Variants in ARHGAP26 observed in about 807,000 individuals in gnomAD.
ARHGAP26 encodes rho GTPase-activating protein 26.
Under a neutral mutation model 104.8 loss-of-function variants are expected in ARHGAP26, and 38 were observed. That is an observed-to-expected ratio of 0.36 (90% CI 0.28 to 0.48). The LOEUF (loss-of-function observed/expected upper bound fraction) is 0.48, where lower values mean the gene tolerates loss of function less well. Ranked by LOEUF, ARHGAP26 falls within the 20% of genes least tolerant of loss-of-function variation. The probability of loss-of-function intolerance (pLI) is 0.99; values close to 1 mark genes in which losing one functional copy is unlikely to be tolerated. For synonymous variants in ARHGAP26, 341 were observed against 340.0 expected (o/e 1.00, Z -0.03); for missense variants, 704 against 947.9 (o/e 0.74, Z 3.38).
chr5:143,148,298 T>C (rs1346080186), intron 20 of ARHGAP26, among the ~76,000 whole-genome samples: 1 of 152,158 alleles, frequency 6.6e-6, no homozygotes, highest in Non-Finnish European at 1.5e-5. Context: ...GGTAACCTTT[T>C]CCTGCTCCTC....
chr5:142,922,792 T>A (rs1172349174), intron 10 of ARHGAP26, among the ~76,000 whole-genome samples: 1 of 152,194 alleles, frequency 6.6e-6, no homozygotes, highest in Non-Finnish European at 1.5e-5. Context: ...AACACATGAA[T>A]CCATTTTTCC....
rs1467512236 is a variant in ARHGAP26 at position 143,227,928 on chromosome 5, AGT to A, written c.*5484_*5485del. On this transcript the variant is annotated 3_prime_UTR_variant, in exon 23 of 23. Transcript: ENST00000645722. ...ACAAAAGTTGTGCCAGACATTACAG[AGT>A]GAAAACGTCTCTCAAGGTGGAATGC... The A allele has an allele frequency of 5.9e-5, 13 of 221,160 alleles. No homozygotes were observed. The highest frequency in any genetic ancestry group is 3.6e-5 in the Non-Finnish European group (4 of 110,504). The allele number at this position is 221,160 out of a possible 1,614,324, so 13.7% of individuals were successfully genotyped here. A position where few individuals can be genotyped will look rare whatever the true frequency, so the allele number is the denominator to read the frequency against.
intron 11 of ARHGAP26, among the ~76,000 whole-genome samples, chr5:142,964,735 C>T (rs37203): frequency 0.08 from 12,126 of 152,178 alleles, 745 homozygotes; most frequent in East Asian, 0.27. Flanking sequence ...ACATGCATTT[C>T]TGGATCACCT....
intron 1 of ARHGAP26, among the ~76,000 whole-genome samples, chr5:142,796,968 T>C (rs1761103538): frequency 1.3e-5 from 2 of 152,214 alleles, no homozygotes; most frequent in Non-Finnish European, 2.9e-5. Context: ...TATAGCGTGG[T>C]GTCAGAAACT....
intron 11 of ARHGAP26, among the ~76,000 whole-genome samples, chr5:142,992,678 C>T (rs1025381477): frequency 2.6e-5 from 4 of 152,004 alleles, no homozygotes; most frequent in Non-Finnish European, 4.4e-5. Context: ...CCGCCTGCCT[C>T]GCCTCCCAAA....
In ARHGAP26 at chr5:142,907,686, G is replaced by A; in HGVS notation, c.833-18G>A. The A allele has an allele frequency of 6.4e-7, 1 of 1,557,294 alleles. No homozygotes were observed. The highest frequency in any genetic ancestry group is 8.8e-7 in the Non-Finnish European group (1 of 1,135,698). The stretch of plus-strand genomic sequence containing the variant: ...CAGTGGAATGTATAGATATTTTATG[G>A]GAAATATTACCTTTCAGGTCACTTT... On this transcript the variant is annotated intron_variant, in intron 8 of 22. Coordinates refer to ENST00000645722, the MANE Select transcript of ARHGAP26 (RefSeq NM_001135608.3).
intron 1 of ARHGAP26, among the ~76,000 whole-genome samples, chr5:142,791,754 A>G (rs1759864160): frequency 6.6e-6 from 1 of 152,132 alleles, no homozygotes; most frequent in Non-Finnish European, 1.5e-5. Context: ...ACCTGAGGTC[A>G]GGAGTTTGTA....
rs562055157 is a variant in ARHGAP26 at position 143,207,377 on chromosome 5, A to G, written c.2099+69A>G. ...CTCTCATTGGCTCGGTCCTCTCTTCATGCAGTGTTCAGCCTCCTCGTCAAC... is the reference window on the plus strand; with the variant it reads ...CTCTCATTGGCTCGGTCCTCTCTTCGTGCAGTGTTCAGCCTCCTCGTCAAC... On this transcript the variant is annotated intron_variant, in intron 21 of 22. Transcript: ENST00000645722. 592 of 1,613,960 alleles carry G rather than the reference A, an allele frequency of 3.7e-4. 7 individuals carry two copies. The South Asian group carries it at 6.2e-3, about 17-fold the overall frequency.
Position 143,117,465 on chromosome 5 carries a change from A to G in ARHGAP26, c.1539-3523A>G, listed in dbSNP as rs534886385. Among the ~76,000 whole-genome samples the G allele has an allele frequency of 5.6e-4, 86 of 152,336 alleles. 1 individual carries two copies. In the South Asian group the frequency reaches 0.013, roughly 23 times the overall value. On this transcript the variant is annotated intron_variant, in intron 17 of 22. Coordinates refer to ENST00000645722, the MANE Select transcript of ARHGAP26 (RefSeq NM_001135608.3). Reference sequence around the variant, plus strand: ...CTGTACCAAGTTGTGAGCAGTAATAATCAAGTGATGGATCAATTTATTACT... The same window carrying G: ...CTGTACCAAGTTGTGAGCAGTAATAGTCAAGTGATGGATCAATTTATTACT...
intron 3 of ARHGAP26, among the ~76,000 whole-genome samples, chr5:142,876,036 C>A (rs1756038112): frequency 6.6e-6 from 1 of 152,166 alleles, no homozygotes; most frequent in Non-Finnish European, 1.5e-5. Flanking sequence ...GCAACCCTGC[C>A]TATAATTTAT....
chr5:142,919,309 A>G, intron 10 of ARHGAP26: 1 of 398,636 alleles, frequency 2.5e-6, no homozygotes. Flanking sequence ...AATGAACACC[A>G]AAGGTTGGCA....
At chr5:142,857,787 C>G (rs988105232) in intron 1 of ARHGAP26, among the ~76,000 whole-genome samples, 11 of 152,112 alleles carry the variant, frequency 7.2e-5, no homozygotes, top group African/African-American at 2.4e-4. Context: ...TCTGCTTGCT[C>G]AGGTTTAGTG....
At chr5:143,093,850 T>C (rs990326800) in intron 17 of ARHGAP26, among the ~76,000 whole-genome samples, 3 of 152,242 alleles carry the variant, frequency 2.0e-5, no homozygotes, top group African/African-American at 7.2e-5. Context: ...CAGAGATTTT[T>C]GTGAGGTTCA....
chr5:143,022,687 C>T (rs571935963), intron 12 of ARHGAP26, among the ~76,000 whole-genome samples: 12 of 152,316 alleles, frequency 7.9e-5, no homozygotes, highest in African/African-American at 1.7e-4. Context: ...AAGTGTCACA[C>T]GATGGGCTGC....
intron 6 of ARHGAP26, 65 bp downstream of exon 6, chr5:142,894,413 G>T: frequency 7.0e-7 from 1 of 1,438,816 alleles, no homozygotes; most frequent in Non-Finnish European, 9.7e-7. Flanking sequence ...ACTAGTAGTA[G>T]ATTACAAAAT....
chr5:142,844,967 C>T (rs992371511), intron 1 of ARHGAP26, among the ~76,000 whole-genome samples: 3 of 152,170 alleles, frequency 2.0e-5, no homozygotes, highest in Non-Finnish European at 2.9e-5. Flanking sequence ...GAGACCAGCA[C>T]GTGTGGAGGA....
chr5:143,076,946 C>T (rs1789125115), intron 17 of ARHGAP26, among the ~76,000 whole-genome samples: 1 of 152,172 alleles, frequency 6.6e-6, no homozygotes, highest in African/African-American at 2.4e-5. Flanking sequence ...CTGCAGTGAA[C>T]ATCCTTGCAA....
At chr5:142,896,754 C>A (rs1355823384) in intron 6 of ARHGAP26, among the ~76,000 whole-genome samples, 3 of 152,128 alleles carry the variant, frequency 2.0e-5, no homozygotes, top group African/African-American at 7.2e-5. Flanking sequence ...ATTTAAATCC[C>A]AGCCTAGCCA....
At chr5:142,993,750 T>A (rs540251482) in intron 11 of ARHGAP26, among the ~76,000 whole-genome samples, 1 of 152,348 alleles carries the variant, frequency 6.6e-6, no homozygotes, top group South Asian at 2.1e-4. Flanking sequence ...CAAGCTATCC[T>A]ACTGCTTCAG....
Sources: gnomAD v4.1 joint callset for allele counts (sites outside exome capture counted in the v4.1 genomes callset) on GRCh38, gnomAD v4.1.1 for gene constraint, MANE v1.5 for transcripts, NCBI Gene and HGNC (gene_info 2026-07-23, HGNC 2026-07-21) for gene names.